RORA: variants seen among roughly 807,000 people sequenced by gnomAD.
RORA encodes the protein RAR related orphan receptor A.
Under a neutral mutation model 69.5 loss-of-function variants are expected in RORA, and 7 were observed. The observed-to-expected ratio is 0.10, with a 90% CI of 0.06 to 0.19. The LOEUF is 0.19. Ranked by LOEUF, RORA falls within the 10% of genes least tolerant of loss-of-function variation. The probability of loss-of-function intolerance (pLI) is 1.00; values close to 1 mark genes in which losing one functional copy is unlikely to be tolerated. For missense variants in RORA, 457 were observed against 663.0 expected (o/e 0.69, Z 3.41); for synonymous variants, 261 against 240.8 (o/e 1.08, Z -0.78).
rs540504984 is a variant in RORA at position 60,633,721 on chromosome 15, C to T, written c.196+44936G>A. ...TTTCTATCCCTCTTCCCATTGTATA[C>T]AAGGGAAAACTATGGTGTGAAAGTG... On this transcript the variant is annotated intron_variant, in intron 2 of 10. Transcript: ENST00000335670. Among the ~76,000 whole-genome samples the T allele has an allele frequency of 3.9e-5, 6 of 152,228 alleles. No individual in the cohort carries two copies. In the East Asian group the frequency reaches 9.6e-4, roughly 24 times the overall value.
At chr15:61,000,823 G>A (rs551612322) in intron 1 of RORA, among the ~76,000 whole-genome samples, 1 of 152,260 alleles carries the variant, frequency 6.6e-6, no homozygotes, top group Non-Finnish European at 1.5e-5. Flanking sequence ...GATCAGCCAG[G>A]GAATTAGAGG....
intron 3 of RORA, chr15:60,520,018 G>C (rs1595901858): frequency 6.6e-6 from 1 of 152,158 alleles, no homozygotes; most frequent in Non-Finnish European, 1.5e-5. Flanking sequence ...GCTTGGAAGA[G>C]GATTACCCTT....
At chr15:61,153,513 T>C (rs1262576630) in intron 1 of RORA, among the ~76,000 whole-genome samples, 2 of 152,318 alleles carry the variant, frequency 1.3e-5, no homozygotes, top group South Asian at 2.1e-4. Context: ...AACCCACTCA[T>C]AGTGCCAGAG....
rs1892407583 is a variant in RORA, at chr15:60,932,627, C to A, written c.167-253941G>T. Among the ~76,000 whole-genome samples the A allele has an allele frequency of 2.6e-5, 4 of 152,148 alleles. No homozygotes were observed. In the South Asian group the frequency reaches 8.3e-4, roughly 32 times the overall value. On this transcript the variant is annotated intron_variant, in intron 1 of 10. Transcript: ENST00000335670. ...GGCTCCTTCAGATCTTGCAAGCTAC[C>A]AGCGATTTGGCGGGGTGGGTAACTG...
chr15:61,092,114 G>C (rs2078716572), intron 1 of RORA, among the ~76,000 whole-genome samples: 1 of 152,190 alleles, frequency 6.6e-6, no homozygotes, highest in South Asian at 2.1e-4. Flanking sequence ...TTGGGATCAG[G>C]AGAAAGGATG....
chr15:61,135,578 C>CAAAAA (rs11453914), intron 1 of RORA, among the ~76,000 whole-genome samples: 6 of 112,256 alleles, frequency 5.3e-5, no homozygotes, highest in Non-Finnish European at 8.7e-5. Context: ...ATTTCCACAT[C>CAAAAA]AAAAAAAAAA....
intron 1 of RORA, among the ~76,000 whole-genome samples, chr15:61,177,518 C>G (rs1196581103): frequency 1.3e-5 from 2 of 152,148 alleles, no homozygotes; most frequent in Non-Finnish European, 2.9e-5. Flanking sequence ...ATACGGCTGT[C>G]AGCACCAGGG....
At chr15:60,748,287 A>G (rs17204367) in intron 1 of RORA, among the ~76,000 whole-genome samples, 52,607 of 147,770 alleles carry the variant, frequency 0.36, 10,556 homozygotes, top group East Asian at 0.53. Context: ...AGTAGTCCTA[A>G]GCCAATACTG....
intron 1 of RORA, among the ~76,000 whole-genome samples, chr15:60,942,381 G>C (rs1227036621): frequency 6.6e-6 from 1 of 152,132 alleles, no homozygotes; most frequent in Non-Finnish European, 1.5e-5. Context: ...TCAAATTCTG[G>C]TTTGTCAAAT....
intron 2 of RORA, among the ~76,000 whole-genome samples, chr15:60,565,732 G>A (rs559984359): frequency 2.0e-5 from 3 of 152,146 alleles, no homozygotes; most frequent in Admixed American, 2.0e-4. Flanking sequence ...AACATATATA[G>A]ATACCACCCC....
intron 2 of RORA, among the ~76,000 whole-genome samples, chr15:60,575,359 C>T (rs917919464): frequency 6.6e-6 from 1 of 152,122 alleles, no homozygotes; most frequent in Non-Finnish European, 1.5e-5. Flanking sequence ...CAGCTTTGTA[C>T]GTGTACTTGA....
chr15:61,063,841 T>C (rs1025611864), intron 1 of RORA, among the ~76,000 whole-genome samples: 3 of 152,224 alleles, frequency 2.0e-5, no homozygotes, highest in Non-Finnish European at 4.4e-5. Context: ...TGGTAAAACA[T>C]GAGCCAGCAT....
chr15:60,990,882 A>T (rs1483553541), intron 1 of RORA, among the ~76,000 whole-genome samples: 2 of 152,252 alleles, frequency 1.3e-5, no homozygotes, highest in Non-Finnish European at 1.5e-5. Flanking sequence ...AGCAAAAATC[A>T]AATTATAAAC....
chr15:60,962,257 G>A (rs977552954), intron 1 of RORA, among the ~76,000 whole-genome samples: 12 of 152,172 alleles, frequency 7.9e-5, no homozygotes, highest in Non-Finnish European at 4.4e-5. Context: ...GGCACAGACC[G>A]AGCGTAAGCC....
At chr15:60,515,911 GTATTTATATATA>G (rs1428863261) in intron 3 of RORA, among the ~76,000 whole-genome samples, 2 of 66,010 alleles carry the variant, frequency 3.0e-5, no homozygotes, top group East Asian at 3.3e-4. Flanking sequence ...TATATATATT[GTATTTATATATA>G]TATTTATATA....
At chr15:60,982,784 T>G (rs1213687869) in intron 1 of RORA, among the ~76,000 whole-genome samples, 1 of 152,216 alleles carries the variant, frequency 6.6e-6, no homozygotes, top group Non-Finnish European at 1.5e-5. Context: ...CCAGAGTACT[T>G]CAAGTATTTG....
intron 1 of RORA, among the ~76,000 whole-genome samples, chr15:61,140,025 C>T (rs767256236): frequency 3.9e-5 from 6 of 152,184 alleles, no homozygotes; most frequent in Non-Finnish European, 8.8e-5. Flanking sequence ...TGCACATTCT[C>T]AGTTGTACTG....
At chr15:61,076,371 A>G (rs1273684783) in intron 1 of RORA, among the ~76,000 whole-genome samples, 1 of 151,520 alleles carries the variant, frequency 6.6e-6, no homozygotes. Context: ...ATACTTATTG[A>G]GCAAACATTA....
At chr15:60,955,687 T>C (rs1274962458) in intron 1 of RORA, among the ~76,000 whole-genome samples, 2 of 152,160 alleles carry the variant, frequency 1.3e-5, no homozygotes, top group Non-Finnish European at 2.9e-5. Context: ...GGAGAAGAAA[T>C]GGAGACTTGG....
Sources: allele counts gnomAD v4.1 joint callset (sites outside exome capture counted in the v4.1 genomes callset), GRCh38; gene constraint gnomAD v4.1.1; transcripts MANE v1.5; gene names NCBI Gene and HGNC (gene_info 2026-07-23, HGNC 2026-07-21).